PLCL1: variants seen among roughly 807,000 people sequenced by gnomAD.
PLCL1 encodes inactive phospholipase C-like protein 1.
A neutral mutation model predicts 84.4 loss-of-function variants in PLCL1; 41 were observed. That is an observed-to-expected ratio of 0.49 (90% CI 0.38 to 0.63). PLCL1 has a LOEUF of 0.63. PLCL1 is among the 30% of genes least tolerant of loss of function. The pLI is 0.00. For missense variants in PLCL1, 1,206 were observed against 1,367.8 expected, an observed-to-expected ratio of 0.88 and a Z score of 1.87; for synonymous variants, 490 against 488.3, an observed-to-expected ratio of 1.00 and a Z score of -0.05.
At chr2:197,908,330 C>T (rs1688421647) in intron 1 of PLCL1, among the ~76,000 whole-genome samples, 1 of 152,186 alleles carries the variant, frequency 6.6e-6, no homozygotes, top group South Asian at 2.1e-4. Flanking sequence ...AGGTGCTTAA[C>T]TTTCGCTTAC....
In PLCL1 at chr2:197,991,924, T is replaced by C. The variant is rs75740457; in HGVS notation, c.241-91834T>C. On this transcript the variant is annotated intron_variant, in intron 1 of 5. Transcript: ENST00000428675. ...TCCCTCACCGGAGATCGCTCATCTG[T>C]GCTTGTCTTCCATGGGTGAAAACAT... Among the ~76,000 whole-genome samples the C allele has an allele frequency of 9.2e-3, 1,407 of 152,304 alleles. 24 individuals are homozygous for C. Among genetic ancestry groups the C allele is most frequent in the African/African-American group, 0.032 (1,339 of 41,554 alleles).
chr2:198,102,419 T>TAC (rs1693369693), intron 4 of PLCL1, among the ~76,000 whole-genome samples: 1 of 152,070 alleles, frequency 6.6e-6, no homozygotes, highest in South Asian at 2.1e-4. Flanking sequence ...TCATGTTCTT[T>TAC]ACTATGTGCT....
chr2:198,083,112 A>G (rs1692763189), intron 1 of PLCL1, among the ~76,000 whole-genome samples: 1 of 152,258 alleles, frequency 6.6e-6, no homozygotes, highest in Non-Finnish European at 1.5e-5. Context: ...TGTGCCTGCT[A>G]ATAACATTGC....
intron 5 of PLCL1, among the ~76,000 whole-genome samples, chr2:198,145,565 A>G (rs1694498633): frequency 6.6e-6 from 1 of 152,220 alleles, no homozygotes; most frequent in Non-Finnish European, 1.5e-5. Flanking sequence ...CCATACCATA[A>G]TTGATGTACT....
chr2:198,069,014 G>A (rs1035641357), intron 1 of PLCL1, among the ~76,000 whole-genome samples: 2 of 151,756 alleles, frequency 1.3e-5, no homozygotes, highest in Non-Finnish European at 2.9e-5. Context: ...CAGCCTGGGC[G>A]ACAGAGTGAG....
At chr2:197,895,914 G>A (rs559773710) in intron 1 of PLCL1, among the ~76,000 whole-genome samples, 8 of 151,980 alleles carry the variant, frequency 5.3e-5, no homozygotes, top group South Asian at 4.1e-4. Flanking sequence ...ATCATCTTTC[G>A]ATTATACTGT....
chr2:198,144,244 G>A (rs1694461212), intron 5 of PLCL1, among the ~76,000 whole-genome samples: 1 of 152,150 alleles, frequency 6.6e-6, no homozygotes, highest in Non-Finnish European at 1.5e-5. Context: ...CTACTGCTAT[G>A]CTTTTAAAAT....
intron 5 of PLCL1, among the ~76,000 whole-genome samples, chr2:198,136,071 T>C (rs1694249021): frequency 6.6e-6 from 1 of 152,172 alleles, no homozygotes; most frequent in Non-Finnish European, 1.5e-5. Flanking sequence ...AATCCTGGCT[T>C]TTATTGTCGC....
intron 1 of PLCL1, among the ~76,000 whole-genome samples, chr2:198,045,652 G>A (rs943214834): frequency 1.3e-5 from 2 of 152,178 alleles, no homozygotes; most frequent in Non-Finnish European, 2.9e-5. Context: ...AGACATTCAT[G>A]GATATGCATT....
intron 5 of PLCL1, among the ~76,000 whole-genome samples, chr2:198,109,162 A>T (rs1043869106): frequency 6.6e-6 from 1 of 151,858 alleles, no homozygotes; most frequent in African/African-American, 2.4e-5. Flanking sequence ...GAAATCCAAG[A>T]TCAAGGCAGG....
intron 1 of PLCL1, among the ~76,000 whole-genome samples, chr2:197,876,939 C>T (rs967014831): frequency 6.6e-6 from 1 of 152,090 alleles, no homozygotes; most frequent in Non-Finnish European, 1.5e-5. Flanking sequence ...ATCCCATGTA[C>T]AATACTGATG....
intron 2 of PLCL1, among the ~76,000 whole-genome samples, chr2:198,087,159 C>T (rs1454438274): frequency 1.3e-5 from 2 of 152,066 alleles, no homozygotes; most frequent in African/African-American, 4.8e-5. Context: ...TATCCCTGTG[C>T]GATCTTGAAC....
intron 1 of PLCL1, among the ~76,000 whole-genome samples, chr2:197,872,493 AC>A (rs1394974754): frequency 6.6e-6 from 1 of 152,066 alleles, no homozygotes; most frequent in Non-Finnish European, 1.5e-5. Context: ...GAGGCACTGT[AC>A]CCTAATGGTT....
At chr2:198,132,275 A>G (rs1483472278) in intron 5 of PLCL1, among the ~76,000 whole-genome samples, 1 of 152,152 alleles carries the variant, frequency 6.6e-6, no homozygotes, top group Admixed American at 6.5e-5. Flanking sequence ...TGGTCCAACC[A>G]GTTTTGGCTG....
chr2:198,026,755 T>C (rs1207173658), intron 1 of PLCL1, among the ~76,000 whole-genome samples: 1 of 152,140 alleles, frequency 6.6e-6, no homozygotes, highest in Admixed American at 6.6e-5. Context: ...AAACAGGGTA[T>C]ATGAAAAAAC....
chr2:198,062,729 T>C (rs1269880433), intron 1 of PLCL1, among the ~76,000 whole-genome samples: 1 of 152,170 alleles, frequency 6.6e-6, no homozygotes, highest in African/African-American at 2.4e-5. Flanking sequence ...GAGCCTAGGG[T>C]ATCATTTGTT....
At chr2:198,048,161 A>T (rs1169349674) in intron 1 of PLCL1, among the ~76,000 whole-genome samples, 1 of 152,190 alleles carries the variant, frequency 6.6e-6, no homozygotes, top group African/African-American at 2.4e-5. Context: ...TGGGATTTGA[A>T]TGAGTTTCCC....
At chr2:197,879,017 C>T (rs1362071200) in intron 1 of PLCL1, among the ~76,000 whole-genome samples, 1 of 152,196 alleles carries the variant, frequency 6.6e-6, no homozygotes, top group Non-Finnish European at 1.5e-5. Flanking sequence ...GAATAACTGG[C>T]TGGAGCTGAG....
chr2:198,055,035 A>G (rs150125229), intron 1 of PLCL1, among the ~76,000 whole-genome samples: 4 of 152,226 alleles, frequency 2.6e-5, no homozygotes, highest in Non-Finnish European at 5.9e-5. Context: ...TATATAGTAT[A>G]TGTGTGTTGG....
Sources: gnomAD v4.1 joint callset for allele counts (sites outside exome capture counted in the v4.1 genomes callset) on GRCh38, gnomAD v4.1.1 for gene constraint, MANE v1.5 for transcripts, NCBI Gene and HGNC (gene_info 2026-07-23, HGNC 2026-07-21) for gene names.